The following MAP2K1 variants were observed in gnomAD, a reference collection of about 807,000 sequenced individuals.
The protein encoded by MAP2K1 is mitogen-activated protein kinase kinase 1.
Under a neutral mutation model 46.3 loss-of-function variants are expected in MAP2K1, and 16 were observed. That is an observed-to-expected ratio of 0.35 (90% confidence interval 0.23 to 0.52). The LOEUF is 0.52. Ranked by LOEUF, MAP2K1 falls within the 20% of genes least tolerant of loss-of-function variation. The pLI, the probability that MAP2K1 is intolerant of heterozygous loss-of-function variation, is 0.94. For synonymous variants in MAP2K1, 183 were observed against 185.6 expected (o/e 0.99, Z 0.11); for missense variants, 263 against 497.1 (o/e 0.53, Z 4.48).
chr15:66,446,705 G>T, intron 5 of MAP2K1: 2 of 374,328 alleles, frequency 5.3e-6, no homozygotes, highest in East Asian at 7.5e-5. Flanking sequence ...ATTTTAGGAA[G>T]AACTGCCTGC....
intron 5 of MAP2K1, among the ~76,000 whole-genome samples, chr15:66,462,150 T>C (rs1311143299): frequency 6.6e-6 from 1 of 152,144 alleles, no homozygotes; most frequent in Non-Finnish European, 1.5e-5. Flanking sequence ...GTCTGGGATT[T>C]GCCTTAAGAC....
At chr15:66,399,339 T>C (rs1025886192) in intron 1 of MAP2K1, among the ~76,000 whole-genome samples, 16 of 152,370 alleles carry the variant, frequency 1.1e-4, no homozygotes, top group African/African-American at 3.6e-4. Context: ...CCAAGTCTTA[T>C]GTACTTTAAT....
chr15:66,458,380 C>T (rs535607248), intron 5 of MAP2K1, among the ~76,000 whole-genome samples: 12 of 152,338 alleles, frequency 7.9e-5, no homozygotes, highest in Middle Eastern at 6.8e-3. Flanking sequence ...GAGTTGTTAG[C>T]TGATAAAGAT....
In MAP2K1 at chr15:66,491,366, T is replaced by C. The variant is rs999790561; in HGVS notation, c.*751T>C. 2 of 233,044 alleles carry C rather than the reference T, an allele frequency of 8.6e-6. No individual in the cohort carries two copies. Among genetic ancestry groups the C allele is most frequent in the African/African-American group, 4.4e-5 (2 of 45,238 alleles). The allele number at this position is 233,044 out of a possible 1,614,324, so 14.4% of individuals were successfully genotyped here. A position where few individuals can be genotyped will look rare whatever the true frequency, so the allele number is the denominator to read the frequency against. On this transcript the variant is annotated 3_prime_UTR_variant, in exon 11 of 11. Coordinates refer to ENST00000307102, the MANE Select transcript of MAP2K1 (RefSeq NM_002755.4). ...TTTGAATGTCACAAATTGATCAAGA[T>C]ATTAAAATGTCGGATTTATCTTTCC... is the stretch of plus-strand genomic sequence containing the variant.
At chr15:66,420,841 GTGTGTATATATA>G (rs1567003200) in intron 1 of MAP2K1, among the ~76,000 whole-genome samples, 1 of 62,098 alleles carries the variant, frequency 1.6e-5, no homozygotes, top group Non-Finnish European at 3.4e-5. Flanking sequence ...GTATATATAT[GTGTGTATATATA>G]TGTGTGTATA....
At chr15:66,460,944 C>G (rs552846577) in intron 5 of MAP2K1, among the ~76,000 whole-genome samples, 1 of 152,180 alleles carries the variant, frequency 6.6e-6, no homozygotes, top group Non-Finnish European at 1.5e-5. Flanking sequence ...GGCCCATGGC[C>G]GTGCTCCAGG....
At chr15:66,418,591 C>CAAA (rs2093429864) in intron 1 of MAP2K1, among the ~76,000 whole-genome samples, 1 of 152,144 alleles carries the variant, frequency 6.6e-6, no homozygotes, top group Non-Finnish European at 1.5e-5. Flanking sequence ...CTTGTCTTTT[C>CAAA]AGTAACAGCC....
At chr15:66,410,349 A>G (rs1381605665) in intron 1 of MAP2K1, among the ~76,000 whole-genome samples, 1 of 152,230 alleles carries the variant, frequency 6.6e-6, no homozygotes, top group Non-Finnish European at 1.5e-5. Flanking sequence ...ATTTCTGTAC[A>G]GTGACATGCA....
chr15:66,443,836 TTAGTCTGGGCGACAGAG>T (rs1278490064), intron 4 of MAP2K1, among the ~76,000 whole-genome samples: 2 of 152,166 alleles, frequency 1.3e-5, no homozygotes, highest in Non-Finnish European at 2.9e-5. Context: ...CCATTGCACT[TTAGTCTGGGCGACAGAG>T]TGAGACCCTG....
At chr15:66,420,755 GTGTGTATGTGTGTATATATATGTGTATA>G (rs2093436903) in intron 1 of MAP2K1, among the ~76,000 whole-genome samples, 12 of 35,902 alleles carry the variant, frequency 3.3e-4, no homozygotes, top group South Asian at 1.2e-3. Flanking sequence ...GTGTGTGTGT[GTGTGTATGTGTGTATATATATGTGTATA>G]TATATGTGTG....
intron 1 of MAP2K1, among the ~76,000 whole-genome samples, chr15:66,418,748 C>T (rs1595850196): frequency 6.6e-6 from 1 of 151,256 alleles, no homozygotes; most frequent in Non-Finnish European, 1.5e-5. Flanking sequence ...CTGCAAGCTC[C>T]GCCTCCCGGG....
rs1646739044 is a variant in MAP2K1 at position 66,491,324 on chromosome 15, T to C, written c.*709T>C. On this transcript the variant is annotated 3_prime_UTR_variant, in exon 11 of 11. Transcript: ENST00000307102. Reference sequence around the variant, plus strand: ...TGTCTCTTTAAGTTTTGATTAATGTTTCTTAAATGGAATTATTTTGAATGT... The same window carrying C: ...TGTCTCTTTAAGTTTTGATTAATGTCTCTTAAATGGAATTATTTTGAATGT... 4.3e-6 allele frequency: 1 copy of C among 233,904 alleles called. No individual in the cohort carries two copies. Among genetic ancestry groups the C allele is most frequent in the Admixed American group, 5.5e-5 (1 of 18,044 alleles). 14.5% of individuals were successfully genotyped at this position (233,904 alleles called of 1,614,324 possible).
intron 1 of MAP2K1, among the ~76,000 whole-genome samples, chr15:66,420,940 C>CAT (rs201954156): frequency 0.017 from 1,741 of 102,226 alleles, 49 homozygotes; most frequent in Middle Eastern, 0.028. Flanking sequence ...TACACACATA[C>CAT]ATATATACAT....
At chr15:66,409,791 G>A (rs971966371) in intron 1 of MAP2K1, among the ~76,000 whole-genome samples, 2 of 152,200 alleles carry the variant, frequency 1.3e-5, no homozygotes, top group Non-Finnish European at 2.9e-5. Context: ...TATCTAGGCT[G>A]ATAAGGTGAA....
chr15:66,489,814 T>C, intron 10 of MAP2K1, 51 bp downstream of exon 10: 1 of 1,464,812 alleles, frequency 6.8e-7, no homozygotes, highest in South Asian at 1.1e-5. Context: ...TCATTTGTTC[T>C]TCTCTGTCAG....
At chr15:66,482,441 C>G (rs1478398662) in intron 6 of MAP2K1, among the ~76,000 whole-genome samples, 2 of 152,184 alleles carry the variant, frequency 1.3e-5, no homozygotes, top group African/African-American at 4.8e-5. Context: ...ACATGTACCC[C>G]TCCTTCTAAC....
chr15:66,463,985 C>T (rs1892397329), intron 5 of MAP2K1, among the ~76,000 whole-genome samples: 1 of 152,208 alleles, frequency 6.6e-6, no homozygotes, highest in African/African-American at 2.4e-5. Context: ...ATGCATTTAT[C>T]TCAGTGACTT....
chr15:66,468,605 A>G (rs546885247), intron 5 of MAP2K1, among the ~76,000 whole-genome samples: 1 of 152,270 alleles, frequency 6.6e-6, no homozygotes, highest in South Asian at 2.1e-4. Context: ...TGGGTCTCCA[A>G]AAAGGAGGCT....
At chr15:66,438,105 TAGAC>T (rs2093493541) in intron 3 of MAP2K1, among the ~76,000 whole-genome samples, 1 of 151,706 alleles carries the variant, frequency 6.6e-6, no homozygotes, top group African/African-American at 2.4e-5. Context: ...TTTGTTTTTT[TAGAC>T]AGAGTCTCGC....
Sources: gnomAD v4.1 joint callset for allele counts (sites outside exome capture counted in the v4.1 genomes callset) on GRCh38, gnomAD v4.1.1 for gene constraint, MANE v1.5 for transcripts, NCBI Gene and HGNC (gene_info 2026-07-23, HGNC 2026-07-21) for gene names.